CDH4: variants seen among roughly 807,000 people sequenced by gnomAD.
The protein encoded by CDH4 is cadherin 4.
In CDH4, 33 loss-of-function variants were observed where a neutral mutation model predicts 86.0. The observed-to-expected ratio is 0.38, with a 90% CI of 0.29 to 0.51. The LOEUF (loss-of-function observed/expected upper bound fraction) is 0.51. CDH4 is among the 20% of genes least tolerant of loss of function. CDH4 has a pLI of 0.86. For synonymous variants in CDH4, 555 were observed against 549.4 expected, an observed-to-expected ratio of 1.01 and a Z score of -0.14; for missense variants, 1,114 against 1,307.4, an observed-to-expected ratio of 0.85 and a Z score of 2.28.
At chr20:61,367,058 C>T (rs1291873486) in intron 2 of CDH4, among the ~76,000 whole-genome samples, 1 of 152,156 alleles carries the variant, frequency 6.6e-6, no homozygotes, top group East Asian at 1.9e-4. Context: ...GACAGAGAGC[C>T]ATGCCGGGAC....
At chr20:61,585,537 T>C (rs972378066) in intron 2 of CDH4, among the ~76,000 whole-genome samples, 4 of 152,272 alleles carry the variant, frequency 2.6e-5, no homozygotes, top group Non-Finnish European at 5.9e-5. Context: ...TCTGATTATT[T>C]GGTCAAATTC....
chr20:61,464,905 A>C (rs2085464421), intron 2 of CDH4, among the ~76,000 whole-genome samples: 1 of 152,268 alleles, frequency 6.6e-6, no homozygotes. Flanking sequence ...CCCAGTGAGA[A>C]GAATGGCTCT....
At chr20:61,307,343 A>G (rs1299708604) in intron 2 of CDH4, among the ~76,000 whole-genome samples, 1 of 152,118 alleles carries the variant, frequency 6.6e-6, no homozygotes, top group Non-Finnish European at 1.5e-5. Flanking sequence ...TGCATGTATC[A>G]TTAGGCACTC....
chr20:61,651,629 G>A (rs546018602), intron 2 of CDH4, among the ~76,000 whole-genome samples: 10 of 152,326 alleles, frequency 6.6e-5, no homozygotes, highest in South Asian at 2.1e-4. Flanking sequence ...GCCCCACCTC[G>A]CAGGTGGCCA....
chr20:61,627,738 C>T (rs2086842862), intron 2 of CDH4, among the ~76,000 whole-genome samples: 1 of 152,084 alleles, frequency 6.6e-6, no homozygotes, highest in African/African-American at 2.4e-5. Context: ...TGGTGTCATG[C>T]AGGGGTGTCC....
chr20:61,912,761 C>T (rs1023853705), intron 9 of CDH4, among the ~76,000 whole-genome samples: 9 of 152,230 alleles, frequency 5.9e-5, no homozygotes, highest in Non-Finnish European at 1.3e-4. Flanking sequence ...GGTATTAGCA[C>T]AGCCGGCCCC....
chr20:61,341,027 G>A (rs1051560247), intron 2 of CDH4, among the ~76,000 whole-genome samples: 5 of 152,164 alleles, frequency 3.3e-5, no homozygotes, highest in Non-Finnish European at 7.3e-5. Context: ...CTTGCCGTCC[G>A]CTACACGAGG....
intron 2 of CDH4, among the ~76,000 whole-genome samples, chr20:61,424,084 G>A (rs1249837603): frequency 2.0e-5 from 3 of 150,056 alleles, no homozygotes; most frequent in Non-Finnish European, 3.0e-5. Context: ...CAGCACACAC[G>A]TATACACACG....
Position 61,601,981 on chromosome 20 carries a change from C to A in CDH4, c.170-141582C>A, listed in dbSNP as rs138416733. On this transcript the variant is annotated intron_variant, in intron 2 of 15. Transcript: ENST00000614565. ...GACACCGTCTGCCCTGACGCATGCC[C>A]ACAGTGCCGCCCAGAGCCAAGCTGC... Among the ~76,000 whole-genome samples, 428 of 152,338 alleles carry A rather than the reference C, an allele frequency of 2.8e-3. 2 individuals are homozygous for A. The highest frequency in any genetic ancestry group is 6.8e-3 in the Middle Eastern group (2 of 294).
At chr20:61,786,414 G>A (rs936247306) in intron 4 of CDH4, among the ~76,000 whole-genome samples, 31 of 152,222 alleles carry the variant, frequency 2.0e-4, no homozygotes, top group African/African-American at 4.8e-5. Context: ...CATTGTCCCC[G>A]CTGAAGCCAG....
At position 61,736,778 on chromosome 20, in the gene CDH4, A is replaced by G. The variant is rs576563049; in HGVS notation, c.170-6785A>G. 2.0e-4 allele frequency among the ~76,000 whole-genome samples: 31 copies of G among 152,180 alleles called. No individual in the cohort carries two copies. In the South Asian group the frequency reaches 5.2e-3, roughly 26 times the overall value. On this transcript the variant is annotated intron_variant, in intron 2 of 15. Transcript: ENST00000614565. Reference sequence around the variant, plus strand: ...GCAGAATTGGCATGAGTCCTGGGAGATGGAGCCATCATGAGGTCACCCGGG... The same window carrying G: ...GCAGAATTGGCATGAGTCCTGGGAGGTGGAGCCATCATGAGGTCACCCGGG...
At chr20:61,507,528 T>C (rs2085749872) in intron 2 of CDH4, among the ~76,000 whole-genome samples, 1 of 152,146 alleles carries the variant, frequency 6.6e-6, no homozygotes. Flanking sequence ...ACAGGTGGAG[T>C]TCACTGTGTC....
At chr20:61,618,941 C>T (rs1025290977) in intron 2 of CDH4, among the ~76,000 whole-genome samples, 2 of 152,248 alleles carry the variant, frequency 1.3e-5, no homozygotes, top group South Asian at 2.1e-4. Flanking sequence ...ACCCAGGGCC[C>T]GGGATGTGCC....
At chr20:61,730,944 C>T (rs533360026) in intron 2 of CDH4, among the ~76,000 whole-genome samples, 15 of 146,506 alleles carry the variant, frequency 1.0e-4, no homozygotes, top group Admixed American at 7.4e-4. Context: ...CCAGGGGCTC[C>T]GGCTCCCACG....
chr20:61,347,944 G>A (rs1443049193), intron 2 of CDH4, among the ~76,000 whole-genome samples: 1 of 152,176 alleles, frequency 6.6e-6, no homozygotes, highest in Non-Finnish European at 1.5e-5. Context: ...ATGAGGAACA[G>A]CCCTTTCCAT....
intron 4 of CDH4, among the ~76,000 whole-genome samples, chr20:61,832,688 A>G (rs1175490429): frequency 6.6e-6 from 1 of 152,010 alleles, no homozygotes; most frequent in Non-Finnish European, 1.5e-5. Context: ...GCATGGGGGA[A>G]CTGCCCCCAT....
At chr20:61,459,428 A>G (rs2085429376) in intron 2 of CDH4, among the ~76,000 whole-genome samples, 1 of 151,448 alleles carries the variant, frequency 6.6e-6, no homozygotes, top group African/African-American at 2.4e-5. Flanking sequence ...GCAGTTCTTC[A>G]CTGGTCACGT....
intron 2 of CDH4, among the ~76,000 whole-genome samples, chr20:61,385,815 C>T (rs923704393): frequency 5.4e-5 from 8 of 148,074 alleles, no homozygotes; most frequent in Admixed American, 6.7e-5. Flanking sequence ...TAAACTTTAA[C>T]GTAGGTGTCA....
At chr20:61,528,145 G>A (rs533126364) in intron 2 of CDH4, among the ~76,000 whole-genome samples, 1 of 141,462 alleles carries the variant, frequency 7.1e-6, no homozygotes, top group African/African-American at 2.6e-5. Context: ...GGAGGCTGAG[G>A]TGGGAAGATC....
Sources: allele counts gnomAD v4.1 joint callset (sites outside exome capture counted in the v4.1 genomes callset), GRCh38; gene constraint gnomAD v4.1.1; transcripts MANE v1.5; gene names NCBI Gene and HGNC (gene_info 2026-07-23, HGNC 2026-07-21).